The following ADGRA3 variants were observed in gnomAD, a reference collection of about 807,000 sequenced individuals.
The protein encoded by ADGRA3 is G-protein coupled receptor 125.
ADGRA3 carries 56 observed loss-of-function variants against 119.8 expected under a neutral mutation model. That is an observed-to-expected ratio of 0.47 (90% CI 0.38 to 0.58). The LOEUF (loss-of-function observed/expected upper bound fraction) is 0.58, where lower values mean the gene tolerates loss of function less well. Among genes scored for constraint, ADGRA3 ranks in the 20% least tolerant of loss-of-function variants. The pLI, the probability that ADGRA3 is intolerant of heterozygous loss-of-function variation, is 0.00. For synonymous variants in ADGRA3, 607 were observed against 623.8 expected (o/e 0.97, Z 0.40); for missense variants, 1,516 against 1,649.0 (o/e 0.92, Z 1.40).
intron 9 of ADGRA3, 56 bp from the exon 10 acceptor site, chr4:22,435,522 AC>A: frequency 7.9e-6 from 11 of 1,399,628 alleles, no homozygotes; most frequent in Non-Finnish European, 1.1e-5. Context: ...AATGATCAAC[AC>A]AATCCTGACA....
intron 7 of ADGRA3, among the ~76,000 whole-genome samples, chr4:22,440,609 A>G (rs1716574032): frequency 6.6e-6 from 1 of 152,192 alleles, no homozygotes; most frequent in Admixed American, 6.5e-5. Flanking sequence ...GCATTGCTAA[A>G]CATAATTTAA....
intron 2 of ADGRA3, among the ~76,000 whole-genome samples, chr4:22,472,323 T>C (rs1379695329): frequency 1.3e-5 from 2 of 152,192 alleles, no homozygotes; most frequent in African/African-American, 4.8e-5. Flanking sequence ...CCAGGCTTCC[T>C]GTCTGCTTTC....
intron 14 of ADGRA3, among the ~76,000 whole-genome samples, chr4:22,407,544 C>G (rs182923131): frequency 6.6e-6 from 1 of 152,124 alleles, no homozygotes; most frequent in African/African-American, 2.4e-5. Context: ...GAAAATGACT[C>G]TGCCCTCCAG....
intron 12 of ADGRA3, among the ~76,000 whole-genome samples, chr4:22,417,278 T>C (rs1715464636): frequency 6.6e-6 from 1 of 152,206 alleles, no homozygotes; most frequent in Non-Finnish European, 1.5e-5. Context: ...AATGTTTAGT[T>C]ACTCTGGGCT....
At chr4:22,455,095 T>C (rs1396721750) in intron 3 of ADGRA3, among the ~76,000 whole-genome samples, 158 bp from the exon 4 acceptor site, 1 of 152,168 alleles carries the variant, frequency 6.6e-6, no homozygotes, top group African/African-American at 2.4e-5. Flanking sequence ...AGGATAGCAG[T>C]GAGGCTGAAA....
At chr4:22,468,738 C>T (rs1199776145) in intron 2 of ADGRA3, among the ~76,000 whole-genome samples, 1 of 149,092 alleles carries the variant, frequency 6.7e-6, no homozygotes, top group Non-Finnish European at 1.5e-5. Context: ...CACCACACTC[C>T]AGCTTGGGCA....
At chr4:22,509,858 A>G (rs950626725) in intron 1 of ADGRA3, among the ~76,000 whole-genome samples, 13 of 151,694 alleles carry the variant, frequency 8.6e-5, no homozygotes, top group Admixed American at 3.9e-4. Context: ...AAAATACAAA[A>G]AATTAGCCCG....
At chr4:22,425,952 T>C (rs1715915440) in intron 10 of ADGRA3, among the ~76,000 whole-genome samples, 2 of 152,212 alleles carry the variant, frequency 1.3e-5, no homozygotes, top group South Asian at 4.1e-4. Context: ...CTTCACCTCT[T>C]GGTATCTCCA....
chr4:22,461,653 C>A, intron 3 of ADGRA3, 84 bp downstream of exon 3: 1 of 958,090 alleles, frequency 1.0e-6, no homozygotes, highest in Non-Finnish European at 1.6e-6. Context: ...ATTAAATGTC[C>A]ATTTTTCATC....
At chr4:22,452,976 A>G (rs755068001) in intron 4 of ADGRA3, among the ~76,000 whole-genome samples, 28 of 151,734 alleles carry the variant, frequency 1.8e-4, no homozygotes, top group Non-Finnish European at 4.0e-4. Flanking sequence ...GGTTGAGTGG[A>G]TCACGAGGTC....
intron 2 of ADGRA3, among the ~76,000 whole-genome samples, chr4:22,468,199 C>T (rs530212720): frequency 6.6e-6 from 1 of 152,174 alleles, no homozygotes; most frequent in South Asian, 2.1e-4. Context: ...TCTTCTCGTA[C>T]CTCTCCTTAA....
chr4:22,458,245 A>C (rs1248296672), intron 3 of ADGRA3, among the ~76,000 whole-genome samples: 1 of 152,182 alleles, frequency 6.6e-6, no homozygotes, highest in African/African-American at 2.4e-5. Flanking sequence ...TGACTCCAGC[A>C]CAGACAGAAG....
intron 1 of ADGRA3, among the ~76,000 whole-genome samples, chr4:22,511,759 A>G (rs1215420857): frequency 6.6e-6 from 1 of 152,104 alleles, no homozygotes; most frequent in Non-Finnish European, 1.5e-5. Context: ...CATTCCGGTA[A>G]CACCAACTGC....
At chr4:22,431,296 T>C (rs1378720761) in intron 10 of ADGRA3, among the ~76,000 whole-genome samples, 1 of 23,792 alleles carries the variant, frequency 4.2e-5, no homozygotes. Flanking sequence ...CTTATATATA[T>C]ATTATATATA....
At chr4:22,406,468 T>G (rs573365787) in intron 14 of ADGRA3, among the ~76,000 whole-genome samples, 8 of 152,112 alleles carry the variant, frequency 5.3e-5, no homozygotes, top group Admixed American at 1.3e-4. Context: ...CTTCTCCACA[T>G]TCTGTTATTT....
At chr4:22,450,807 T>C (rs1404321875) in intron 4 of ADGRA3, among the ~76,000 whole-genome samples, 2 of 152,034 alleles carry the variant, frequency 1.3e-5, no homozygotes, top group African/African-American at 2.4e-5. Context: ...CTGACAAGCA[T>C]GAACTAAATC....
Position 22,438,417 on chromosome 4 carries a change from G to A in ADGRA3, c.924C>T (p.Ala308=). The change falls in exon 8 of 19, where the codon GCC becomes GCT. Residue 308 remains alanine (A), a synonymous_variant. Coordinates refer to ENST00000334304, the MANE Select transcript of ADGRA3 (RefSeq NM_145290.4). ...CAGCCTGAATATTAGAAATGGTTAG[G>A]GCACTGCATAAAGAAAGATTTTAAA... ...MIHNCSLIAS[A]LTISNIQAGS... The A allele has an allele frequency of 6.2e-7, 1 of 1,610,848 alleles. No individual in the cohort carries two copies. The highest frequency in any genetic ancestry group is 1.3e-5 in the African/African-American group (1 of 74,802).
Position 22,438,370 on chromosome 4 carries a change from C to T in ADGRA3, c.971G>A (p.Cys324Tyr), listed in dbSNP as rs763921566. 1.9e-6 allele frequency: 3 copies of T among 1,613,662 alleles called. No homozygotes were observed. The highest frequency in any genetic ancestry group is 2.5e-6 in the Non-Finnish European group (3 of 1,179,786). Residue 324 changes from cysteine (C) to tyrosine (Y), a missense_variant, in exon 8 of 19, where the codon TGT becomes TAT. Cys to Tyr is a radical substitution (Grantham distance 194). Coordinates refer to ENST00000334304, the MANE Select transcript of ADGRA3 (RefSeq NM_145290.4). The part of the protein sequence containing the change: ...IQAGSTGNWG[C>Y]HVQTKRGNNT... ...ATTCCCACGTTTGGTCTGGACATGA[C>T]AGCCCCAATTTCCAGTAGATCCAGC...
At chr4:22,450,532 T>G (rs941984510) in intron 4 of ADGRA3, among the ~76,000 whole-genome samples, 1 of 152,228 alleles carries the variant, frequency 6.6e-6, no homozygotes, top group Non-Finnish European at 1.5e-5. Flanking sequence ...TCCAAAGTGC[T>G]GGGATTACGG....
Sources: allele counts gnomAD v4.1 joint callset (sites outside exome capture counted in the v4.1 genomes callset), GRCh38; gene constraint gnomAD v4.1.1; transcripts MANE v1.5; gene names NCBI Gene and HGNC (gene_info 2026-07-23, HGNC 2026-07-21).